Variants in RBFOX1 observed in about 807,000 individuals in gnomAD.
RBFOX1 encodes RNA binding protein fox-1 homolog 1.
Under a neutral mutation model 57.7 loss-of-function variants are expected in RBFOX1, and 8 were observed. That is an observed-to-expected ratio of 0.14 (90% confidence interval 0.08 to 0.25). RBFOX1 has a LOEUF of 0.25. RBFOX1 is among the 10% of genes least tolerant of loss of function. RBFOX1 has a pLI of 1.00. For synonymous variants in RBFOX1, 326 were observed against 222.4 expected, an observed-to-expected ratio of 1.47 and a Z score of -4.15; for missense variants, 611 against 548.5, an observed-to-expected ratio of 1.11 and a Z score of -1.14.
At chr16:5,721,151 A>G (rs978794870) in intron 3 of RBFOX1, among the ~76,000 whole-genome samples, 3 of 152,100 alleles carry the variant, frequency 2.0e-5, no homozygotes, top group Non-Finnish European at 4.4e-5. Flanking sequence ...TTCCTGTTTT[A>G]TGTTTATCCC....
intron 4 of RBFOX1, among the ~76,000 whole-genome samples, chr16:5,951,306 G>T (rs141774884): frequency 0.015 from 2,223 of 152,036 alleles, 26 homozygotes; most frequent in Non-Finnish European, 0.02. Flanking sequence ...AAATTACCCG[G>T]GTGTGGTGGT....
intron 3 of RBFOX1, among the ~76,000 whole-genome samples, chr16:6,959,780 T>G (rs1257598963): frequency 6.6e-6 from 1 of 152,030 alleles, no homozygotes; most frequent in Non-Finnish European, 1.5e-5. Flanking sequence ...CTACCAAAAG[T>G]ACAAAAATTA....
intron 4 of RBFOX1, among the ~76,000 whole-genome samples, chr16:7,380,941 G>A (rs2097773097): frequency 6.6e-6 from 1 of 152,220 alleles, no homozygotes; most frequent in East Asian, 1.9e-4. Flanking sequence ...TGGAGAGAAA[G>A]AACAGTATTT....
intron 11 of RBFOX1, among the ~76,000 whole-genome samples, chr16:7,637,271 CAAAA>C (rs5815418): frequency 2.9e-5 from 4 of 139,406 alleles, no homozygotes; most frequent in Non-Finnish European, 4.7e-5. Flanking sequence ...CTTCCCTCCT[CAAAA>C]AAAAAAAAAG....
chr16:5,629,055 G>A (rs1388315044), intron 3 of RBFOX1, among the ~76,000 whole-genome samples: 1 of 152,094 alleles, frequency 6.6e-6, no homozygotes, highest in Non-Finnish European at 1.5e-5. Flanking sequence ...GCAAACAAAT[G>A]CACCAGAGCA....
intron 2 of RBFOX1, among the ~76,000 whole-genome samples, chr16:5,558,669 T>C (rs2045772447): frequency 1.3e-5 from 2 of 152,164 alleles, no homozygotes; most frequent in Admixed American, 1.3e-4. Flanking sequence ...GCTCTGTTCC[T>C]GCCATCGTCT....
intron 4 of RBFOX1, among the ~76,000 whole-genome samples, chr16:7,227,961 C>G (rs2093255569): frequency 6.6e-6 from 1 of 152,170 alleles, no homozygotes; most frequent in Non-Finnish European, 1.5e-5. Context: ...GGAGGCCACC[C>G]TGTGCTCTGT....
chr16:5,380,620 G>A (rs933388650), intron 1 of RBFOX1, among the ~76,000 whole-genome samples: 7 of 152,172 alleles, frequency 4.6e-5, no homozygotes, highest in African/African-American at 1.7e-4. Flanking sequence ...TCAGAGCTAA[G>A]CATTTTTTAG....
At chr16:6,113,986 G>A (rs186614493) in intron 1 of RBFOX1, among the ~76,000 whole-genome samples, 1 of 152,286 alleles carries the variant, frequency 6.6e-6, no homozygotes, top group Admixed American at 6.5e-5. Context: ...TGTCAAAGAG[G>A]TTTCACTTAG....
intron 3 of RBFOX1, among the ~76,000 whole-genome samples, chr16:6,666,309 G>A (rs572150901): frequency 1.1e-4 from 16 of 152,222 alleles, no homozygotes; most frequent in Admixed American, 7.2e-4. Context: ...TTAGGCGGGC[G>A]GATCACCTGA....
chr16:7,265,229 C>T (rs190852246), intron 4 of RBFOX1, among the ~76,000 whole-genome samples: 1 of 151,646 alleles, frequency 6.6e-6, no homozygotes, highest in African/African-American at 2.4e-5. Context: ...TTTTCTCTTG[C>T]AGATCTGGAT....
intron 3 of RBFOX1, among the ~76,000 whole-genome samples, chr16:6,778,318 C>T (rs576350080): frequency 1.3e-5 from 2 of 152,152 alleles, no homozygotes; most frequent in South Asian, 4.2e-4. Flanking sequence ...TAACATGATT[C>T]CTCATGTACC....
At chr16:6,209,120 G>C (rs969973869) in intron 1 of RBFOX1, among the ~76,000 whole-genome samples, 1 of 152,172 alleles carries the variant, frequency 6.6e-6, no homozygotes, top group African/African-American at 2.4e-5. Flanking sequence ...ACAAACCTGT[G>C]ACAGGAGAAG....
chr16:6,318,906 C>T (rs1001102930), intron 2 of RBFOX1, among the ~76,000 whole-genome samples: 1 of 151,644 alleles, frequency 6.6e-6, no homozygotes, highest in African/African-American at 2.4e-5. Flanking sequence ...TAGTAGGTTT[C>T]CATCCTGTCC....
intron 10 of RBFOX1, among the ~76,000 whole-genome samples, chr16:7,612,857 C>T (rs1467237648): frequency 6.6e-6 from 1 of 151,054 alleles, no homozygotes; most frequent in Non-Finnish European, 1.5e-5. Context: ...TCTGCCAACT[C>T]ATTTCTGTGA....
At chr16:7,354,598 T>G (rs919622860) in intron 4 of RBFOX1, among the ~76,000 whole-genome samples, 3 of 152,212 alleles carry the variant, frequency 2.0e-5, no homozygotes, top group East Asian at 3.9e-4. Flanking sequence ...AGGATTTCAT[T>G]CAATTTAAGC....
chr16:5,566,260 G>T (rs1378175367), intron 2 of RBFOX1, among the ~76,000 whole-genome samples: 1 of 152,206 alleles, frequency 6.6e-6, no homozygotes, highest in East Asian at 1.9e-4. Flanking sequence ...TTCTGCTGAG[G>T]GTTCATGTAT....
At chr16:7,021,617 ATATTT>A (rs1273503767) in intron 3 of RBFOX1, among the ~76,000 whole-genome samples, 1 of 146,796 alleles carries the variant, frequency 6.8e-6, no homozygotes, top group Non-Finnish European at 1.5e-5. Flanking sequence ...ATAAAATATA[ATATTT>A]TATAAATTAT....
At chr16:7,702,026 A>C (rs1456729236) in intron 14 of RBFOX1, among the ~76,000 whole-genome samples, 1 of 152,188 alleles carries the variant, frequency 6.6e-6, no homozygotes, top group Admixed American at 6.5e-5. Context: ...ATGTACCTGC[A>C]TAGTGCACTG....
Sources: gnomAD v4.1 joint callset for allele counts (sites outside exome capture counted in the v4.1 genomes callset) on GRCh38, gnomAD v4.1.1 for gene constraint, MANE v1.5 for transcripts, NCBI Gene and HGNC (gene_info 2026-07-23, HGNC 2026-07-21) for gene names.